The following NR2E1 variants were observed in gnomAD, a reference collection of about 807,000 sequenced individuals.
NR2E1 encodes the protein nuclear receptor subfamily 2 group E member 1, also known as nuclear receptor TLX.
NR2E1 carries 5 observed loss-of-function variants against 43.6 expected under a neutral mutation model. That is an observed-to-expected ratio of 0.11 (90% CI 0.06 to 0.24). NR2E1 has a LOEUF of 0.24. Ranked by LOEUF, NR2E1 falls within the 10% of genes least tolerant of loss-of-function variation. NR2E1 has a pLI of 1.00. For missense variants in NR2E1, 287 were observed against 496.7 expected, an observed-to-expected ratio of 0.58 and a Z score of 4.01; for synonymous variants, 191 against 195.5, an observed-to-expected ratio of 0.98 and a Z score of 0.19.
chr6:108,175,187 G>T (rs1227434543), intron 3 of NR2E1, among the ~76,000 whole-genome samples: 2 of 152,180 alleles, frequency 1.3e-5, no homozygotes, highest in African/African-American at 4.8e-5. Flanking sequence ...AGCGCTTGGG[G>T]GGACCCCACT....
At chr6:108,172,731 C>G (rs375394306) in intron 2 of NR2E1, among the ~76,000 whole-genome samples, 1 of 152,334 alleles carries the variant, frequency 6.6e-6, no homozygotes, top group South Asian at 2.1e-4. Context: ...GTTCTGACAT[C>G]TTTTTCTGAA....
rs574228142 is a variant in NR2E1, at chr6:108,166,908, AG to A, written c.25+119del. ...AATCTGAGCCCCTGAGAGGGATTCC[AG>A]CGGGCGTGTGCGTTCGGCCCAGACC... On this transcript the variant is annotated intron_variant, in intron 1 of 8. Coordinates refer to ENST00000368986, the MANE Select transcript of NR2E1 (RefSeq NM_003269.5). The surrounding 1 kb of genome is among the most constrained non-coding windows in gnomAD (Gnocchi z 7.2). The A allele has an allele frequency of 6.3e-4, 694 of 1,109,350 alleles. 4 individuals carry two copies. The African/African-American group carries it at 7.3e-3, about 12-fold the overall frequency. 68.7% of individuals were successfully genotyped at this position (1,109,350 alleles called of 1,614,324 possible).
At chr6:108,167,644 G>C (rs1773731624) in intron 1 of NR2E1, among the ~76,000 whole-genome samples, 2 of 152,152 alleles carry the variant, frequency 1.3e-5, no homozygotes, top group South Asian at 4.1e-4. Flanking sequence ...ATCTCCCGGG[G>C]GCATTTCAGT....
rs1773974321 is a variant in NR2E1 at position 108,180,964 on chromosome 6, G to C, written c.889+8G>C. On this transcript the variant is annotated splice_region_variant and intron_variant, in intron 7 of 8. Coordinates refer to ENST00000368986, the MANE Select transcript of NR2E1 (RefSeq NM_003269.5). This position sits in a 1 kb window ranked among gnomAD's most constrained non-coding sequence, Gnocchi z 5.4. ...TCGTCACTTTCAAAGCCGGTAAGCA[G>C]ACACAGACCCCTGTTTCTTCTCCTT... 1 of 1,614,114 alleles carries C rather than the reference G, an allele frequency of 6.2e-7. No homozygotes were observed.
rs1381837583 is a variant in NR2E1, at chr6:108,188,580, G to A, written c.*1117G>A. The A allele has an allele frequency of 6.7e-6, 1 of 149,430 alleles. No homozygotes were observed. Among genetic ancestry groups the A allele is most frequent in the Non-Finnish European group, 1.5e-5 (1 of 67,928 alleles). The allele number at this position is 149,430 out of a possible 1,614,324, so 9.3% of individuals were successfully genotyped here. ...TCCTACACTTTAAGCTGCTCCTTTG[G>A]TATGACTCTATACTTATGGAAATGT... On this transcript the variant is annotated 3_prime_UTR_variant, in exon 9 of 9. Coordinates refer to ENST00000368986, the MANE Select transcript of NR2E1 (RefSeq NM_003269.5).
chr6:108,186,145 A>AT (rs571270680), intron 8 of NR2E1, among the ~76,000 whole-genome samples: 252 of 151,030 alleles, frequency 1.7e-3, no homozygotes, highest in Non-Finnish European at 2.6e-3. Flanking sequence ...GGATTTAAGT[A>AT]TTTTTTTTTA....
At chr6:108,177,346 T>C (rs560155878) in intron 4 of NR2E1, among the ~76,000 whole-genome samples, 33 of 152,334 alleles carry the variant, frequency 2.2e-4, no homozygotes, top group Non-Finnish European at 4.1e-4. Context: ...GTTGATTCCA[T>C]AGGAGCAGGG....
chr6:108,178,677 T>A lies in NR2E1; in HGVS notation c.642+436T>A, dbSNP rs217527. 8.5e-3 allele frequency among the ~76,000 whole-genome samples: 1,293 copies of A among 152,352 alleles called. 21 individuals carry two copies. The highest frequency in any genetic ancestry group is 0.03 in the African/African-American group (1,236 of 41,574). ...TCAGAACTGATGTTATTATTTTATA[T>A]TCCCAGCTTTATATTCTCCATTGCG... On this transcript the variant is annotated intron_variant, in intron 5 of 8. Coordinates refer to ENST00000368986, the MANE Select transcript of NR2E1 (RefSeq NM_003269.5).
intron 4 of NR2E1, among the ~76,000 whole-genome samples, chr6:108,176,948 G>C (rs1298735632): frequency 6.6e-6 from 1 of 152,168 alleles, no homozygotes; most frequent in Non-Finnish European, 1.5e-5. Flanking sequence ...GTCAACCTCC[G>C]AGTGGCTACA....
In NR2E1 at chr6:108,166,646, G is replaced by A. The variant is rs1582438731; in HGVS notation, c.-120G>A. On this transcript the variant is annotated 5_prime_UTR_variant, in exon 1 of 9. Transcript: ENST00000368986. The surrounding 1 kb of genome is among the most constrained non-coding windows in gnomAD (Gnocchi z 7.2). ...CGCGCGACTGACACCCACCTGTCCC[G>A]CCCAGGAGCCTTGCAGGCTGGAGGG... 5.0e-6 allele frequency: 4 copies of A among 792,372 alleles called. No homozygotes were observed. Among genetic ancestry groups the A allele is most frequent in the African/African-American group, 3.7e-5 (2 of 53,632 alleles). 49.1% of individuals were successfully genotyped at this position (792,372 alleles called of 1,614,324 possible). A position where few individuals can be genotyped will look rare whatever the true frequency, so the allele number is the denominator to read the frequency against.
intron 3 of NR2E1, chr6:108,176,068 C>T: frequency 6.0e-6 from 1 of 166,366 alleles, no homozygotes; most frequent in South Asian, 1.8e-4. Context: ...TGTTCTTGGA[C>T]GGAGCTGGAA....
chr6:108,177,010 G>A (rs1161302943), intron 4 of NR2E1, among the ~76,000 whole-genome samples: 1 of 152,138 alleles, frequency 6.6e-6, no homozygotes, highest in Admixed American at 6.5e-5. Flanking sequence ...AGCAAGTTTG[G>A]GGTGGAGGCC....
chr6:108,176,795 C>A, intron 4 of NR2E1, 57 bp downstream of exon 4: 2 of 1,462,480 alleles, frequency 1.4e-6, no homozygotes, highest in Non-Finnish European at 1.8e-6. Context: ...GAGGGACGCA[C>A]CCAGTTCTTC....
In NR2E1 at chr6:108,187,870, C is replaced by T. The variant is rs868627398; in HGVS notation, c.*407C>T. The T allele has an allele frequency of 6.8e-5, 15 of 220,272 alleles. No individual in the cohort carries two copies. Among genetic ancestry groups the T allele is most frequent in the Non-Finnish European group, 1.1e-4 (12 of 107,824 alleles). 13.6% of individuals were successfully genotyped at this position (220,272 alleles called of 1,614,324 possible). ...CCAAATATAGCTCTGTGTATAACAT[C>T]GTACTGCGGCCTTCAAAACTACGTT... On this transcript the variant is annotated 3_prime_UTR_variant, in exon 9 of 9. Coordinates refer to ENST00000368986, the MANE Select transcript of NR2E1 (RefSeq NM_003269.5).
Position 108,166,976 on chromosome 6 carries a change from C to CTCTCCCCTCTG in NR2E1, c.25+186_25+187insTCTCCCCTCTG, listed in dbSNP as rs1210404801. Among the ~76,000 whole-genome samples, 4 of 152,240 alleles carry CTCTCCCCTCTG rather than the reference C, an allele frequency of 2.6e-5. No individual in the cohort carries two copies. Among genetic ancestry groups the CTCTCCCCTCTG allele is most frequent in the Middle Eastern group, 6.8e-3 (2 of 294 alleles). ...GAGCATTTCGTGGAGAGGGGAGAGC[C>CTCTCCCCTCTG]GTTTCGTTGCCTCTGGATTGCTTGA... is the stretch of plus-strand genomic sequence containing the variant. On this transcript the variant is annotated intron_variant, in intron 1 of 8. Transcript: ENST00000368986. This position sits in a 1 kb window ranked among gnomAD's most constrained non-coding sequence, Gnocchi z 7.2.
At chr6:108,175,179 C>T (rs1773876207) in intron 3 of NR2E1, among the ~76,000 whole-genome samples, 1 of 152,174 alleles carries the variant, frequency 6.6e-6, no homozygotes, top group Non-Finnish European at 1.5e-5. Flanking sequence ...ACACAGGCAG[C>T]GCTTGGGGGG....
Position 108,187,515 on chromosome 6 carries a change from C to A in NR2E1, c.*52C>A. On this transcript the variant is annotated 3_prime_UTR_variant, in exon 9 of 9. Transcript: ENST00000368986. ...TGGGACAGTATCAGATGAACTTCAA[C>A]CCATGGAGAACAAGCCTCAACTAAC... 1 of 1,584,900 alleles carries A rather than the reference C, an allele frequency of 6.3e-7. No homozygotes were observed. Among genetic ancestry groups the A allele is most frequent in the Non-Finnish European group, 8.7e-7 (1 of 1,154,674 alleles).
intron 2 of NR2E1, among the ~76,000 whole-genome samples, chr6:108,172,318 T>C (rs1280502714): frequency 6.6e-6 from 1 of 152,174 alleles, no homozygotes; most frequent in Non-Finnish European, 1.5e-5. Context: ...TCCTCAAGCT[T>C]CCATATCCCT....
chr6:108,181,784 C>G, intron 8 of NR2E1, 133 bp downstream of exon 8: 1 of 743,352 alleles, frequency 1.3e-6, no homozygotes, highest in Non-Finnish European at 2.4e-6. Flanking sequence ...TAGGGAGAAT[C>G]CATGTCCTTA....
Sources: allele counts gnomAD v4.1 joint callset (sites outside exome capture counted in the v4.1 genomes callset), GRCh38; gene constraint gnomAD v4.1.1; non-coding constraint Gnocchi (gnomAD v3.1); transcripts MANE v1.5; gene names NCBI Gene and HGNC (gene_info 2026-07-23, HGNC 2026-07-21).